The following ACOX1 variants were observed in gnomAD, a reference collection of about 807,000 sequenced individuals.
ACOX1 encodes peroxisomal acyl-coenzyme A oxidase 1.
In ACOX1, 41 loss-of-function variants were observed where a neutral mutation model predicts 75.5. The ratio of observed to expected loss-of-function variants is 0.54; its 90% CI spans 0.42 to 0.70. The LOEUF is 0.70. Ranked by LOEUF, ACOX1 falls within the 30% of genes least tolerant of loss-of-function variation. The pLI, the probability that ACOX1 is intolerant of heterozygous loss-of-function variation, is 0.00. For synonymous variants in ACOX1, 303 were observed against 298.8 expected, an observed-to-expected ratio of 1.01 and a Z score of -0.15; for missense variants, 630 against 837.5, an observed-to-expected ratio of 0.75 and a Z score of 3.06.
Position 75,949,825 on chromosome 17 carries a change from G to T in ACOX1, c.1371C>A (p.Asp457Glu). ...GTGGCTGGATGCGCTGACTGGGCAG[G>T]TCGTTCAAATAGGACACCATGCCAC... ...LVCGMVSYLN[D>E]LPSQRIQPQQ... The change falls in exon 10 of 14, where the codon GAC becomes GAA. Residue 457 changes from aspartate to glutamate, a missense_variant. Asp to Glu is a conservative substitution (Grantham distance 45, BLOSUM62 2). Around this residue, in one of 2 missense-constraint regions of ACOX1, gnomAD observed 240 missense variants for 262.7 expected, o/e 0.91. Coordinates refer to ENST00000293217, the MANE Select transcript of ACOX1 (RefSeq NM_004035.7). The T allele has an allele frequency of 3.7e-6, 6 of 1,614,212 alleles. No individual in the cohort carries two copies. The highest frequency in any genetic ancestry group is 5.1e-6 in the Non-Finnish European group (6 of 1,180,042).
chr17:75,962,598 A>T (rs2065897085), intron 2 of ACOX1, among the ~76,000 whole-genome samples: 1 of 152,208 alleles, frequency 6.6e-6, no homozygotes, highest in Admixed American at 6.5e-5. Context: ...CTGCTCAGAC[A>T]AGTGCTAATC....
In ACOX1 at chr17:75,977,562, T is replaced by C. The variant is rs1470873642; in HGVS notation, c.269+972A>G. ...GCCTGGGCGACAGAGCGAGACTCCGTCTCAAAAAACAAAAACAAAAACAAA... is the reference window on the plus strand; with the variant it reads ...GCCTGGGCGACAGAGCGAGACTCCGCCTCAAAAAACAAAAACAAAAACAAA... On this transcript the variant is annotated intron_variant, in intron 2 of 13. Transcript: ENST00000293217. Among the ~76,000 whole-genome samples the C allele has an allele frequency of 2.7e-5, 4 of 150,566 alleles. No homozygotes were observed. In the East Asian group the frequency reaches 8.3e-4, roughly 31 times the overall value.
rs758034255 is a variant in ACOX1, at chr17:75,948,377, A to G, written c.1809T>C (p.Ala603=). The change falls in exon 13 of 14, where the codon GCT becomes GCC. Residue 603 remains alanine (A), a synonymous_variant. Transcript: ENST00000293217. ...AATCAAATGCATCAACCAAAGCAAC[A>G]GCATCTGAGCGAATCAGAGTGAGTA... ...KELLTLIRSD[A]VALVDAFDFQ... 4.3e-6 allele frequency: 7 copies of G among 1,614,062 alleles called. No individual in the cohort carries two copies. The highest frequency in any genetic ancestry group is 5.9e-6 in the Non-Finnish European group (7 of 1,180,040).
Position 75,943,112 on chromosome 17 carries a change from GCTA to G in ACOX1, c.*3633_*3635del, listed in dbSNP as rs1278404131. 6.6e-6 allele frequency: 1 copy of G among 151,590 alleles called. No individual in the cohort carries two copies. Among genetic ancestry groups the G allele is most frequent in the Non-Finnish European group, 1.5e-5 (1 of 68,022 alleles). 9.4% of individuals were successfully genotyped at this position (151,590 alleles called of 1,614,324 possible). A position where few individuals can be genotyped will look rare whatever the true frequency, so the allele number is the denominator to read the frequency against. ...GTGATGGCAGGTGCCTGTAATCCCA[GCTA>G]CTCAGGAGGCTGAGGTGGGAGAATC... On this transcript the variant is annotated 3_prime_UTR_variant, in exon 14 of 14. Transcript: ENST00000293217.
chr17:75,948,862 CTTTTTT>C (rs34512190), intron 12 of ACOX1, among the ~76,000 whole-genome samples: 8 of 125,254 alleles, frequency 6.4e-5, no homozygotes, highest in African/African-American at 1.2e-4. Flanking sequence ...TTTTCTTTTT[CTTTTTT>C]TTTTTTTTTG....
chr17:75,951,028 A>G lies in ACOX1; in HGVS notation c.1108-64T>C, dbSNP rs576300167. 32 of 1,508,308 alleles carry G rather than the reference A, an allele frequency of 2.1e-5. No homozygotes were observed. The South Asian group carries it at 2.5e-4, about 12-fold the overall frequency. The allele number at this position is 1,508,308 out of a possible 1,614,324, so 93.4% of individuals were successfully genotyped here. ...TGCTGAGAGCCCGAGAACCAATGAG[A>G]AAACACACCCCTCCTCTAACATCTT... On this transcript the variant is annotated intron_variant, in intron 8 of 13. Transcript: ENST00000293217.
chr17:75,947,248 G>T (rs1598172035), intron 13 of ACOX1, among the ~76,000 whole-genome samples: 1 of 137,598 alleles, frequency 7.3e-6, no homozygotes, highest in Non-Finnish European at 1.6e-5. Context: ...TGATGTCTTA[G>T]TTTTTTTTTT....
intron 2 of ACOX1, among the ~76,000 whole-genome samples, chr17:75,967,804 G>A (rs1473222403): frequency 6.7e-6 from 1 of 149,618 alleles, no homozygotes; most frequent in Non-Finnish European, 1.5e-5. Flanking sequence ...GCAGTGGCAC[G>A]ATCTCGGCTC....
At chr17:75,972,680 T>G (rs956558344) in intron 2 of ACOX1, among the ~76,000 whole-genome samples, 99 of 151,894 alleles carry the variant, frequency 6.5e-4, no homozygotes, top group Non-Finnish European at 8.5e-4. Context: ...CTTATCTTCC[T>G]TTACAAACCT....
At position 75,943,151 on chromosome 17, in the gene ACOX1, G is replaced by A. The variant is rs1421762592; in HGVS notation, c.*3597C>T. 6.6e-6 allele frequency: 1 copy of A among 151,408 alleles called. No homozygotes were observed. Among genetic ancestry groups the A allele is most frequent in the African/African-American group, 2.4e-5 (1 of 41,118 alleles). 9.4% of individuals were successfully genotyped at this position (151,408 alleles called of 1,614,324 possible). ...TGAGGTGGGAGAATCGCTCGAACCC[G>A]GGAGGTGAAGATTGCAGTGAAGTCG... On this transcript the variant is annotated 3_prime_UTR_variant, in exon 14 of 14. Transcript: ENST00000293217.
chr17:75,973,809 T>A, intron 2 of ACOX1: 1 of 1,613,052 alleles, frequency 6.2e-7, no homozygotes, highest in Non-Finnish European at 8.5e-7. Flanking sequence ...GAGAAAAGGA[T>A]CTCAGCCTTC....
chr17:75,969,220 G>T (rs555173626), intron 2 of ACOX1, among the ~76,000 whole-genome samples: 4 of 152,112 alleles, frequency 2.6e-5, no homozygotes, highest in African/African-American at 7.2e-5. Flanking sequence ...AGGCTAGAGC[G>T]CAATGGCGCA....
intron 7 of ACOX1, among the ~76,000 whole-genome samples, chr17:75,952,319 G>A (rs1333291292): frequency 6.6e-6 from 1 of 151,776 alleles, no homozygotes; most frequent in Non-Finnish European, 1.5e-5. Flanking sequence ...TATTTTTTGA[G>A]ATGAAGTCTC....
chr17:75,971,142 T>G (rs369920183), intron 2 of ACOX1, among the ~76,000 whole-genome samples: 11 of 151,410 alleles, frequency 7.3e-5, no homozygotes, highest in Admixed American at 6.6e-4. Context: ...AAATACAAAA[T>G]TAGCCGGGCA....
Position 75,978,117 on chromosome 17 carries a change from T to TG in ACOX1, c.269+416dup, listed in dbSNP as rs577143547. 5.2e-3 allele frequency among the ~76,000 whole-genome samples: 796 copies of TG among 152,190 alleles called. 4 individuals are homozygous for TG. Among genetic ancestry groups the TG allele is most frequent in the African/African-American group, 0.018 (754 of 41,508 alleles). ...TTATTTATTTATTTATTTTTTGAGA[T>TG]GGAGTCTCGCACTCTTGCCCAGGCT... On this transcript the variant is annotated intron_variant, in intron 2 of 13. Transcript: ENST00000293217. The surrounding 1 kb of genome is among the most constrained non-coding windows in gnomAD (Gnocchi z 4.2).
intron 4 of ACOX1, among the ~76,000 whole-genome samples, chr17:75,957,187 T>C (rs1236652078): frequency 1.3e-5 from 2 of 151,450 alleles, no homozygotes; most frequent in Non-Finnish European, 2.9e-5. Flanking sequence ...TTCAAGTGAT[T>C]CTCCTGCCTC....
At position 75,951,033 on chromosome 17, in the gene ACOX1, A is replaced by G. The variant is rs558789591; in HGVS notation, c.1108-69T>C. The stretch of plus-strand genomic sequence containing the variant: ...AGAGCCCGAGAACCAATGAGAAAAC[A>G]CACCCCTCCTCTAACATCTTGGCCA... On this transcript the variant is annotated intron_variant, in intron 8 of 13. Transcript: ENST00000293217. The G allele has an allele frequency of 3.0e-5, 45 of 1,484,540 alleles. No homozygotes were observed. In the South Asian group the frequency reaches 3.9e-4, roughly 13 times the overall value. 92.0% of individuals were successfully genotyped at this position (1,484,540 alleles called of 1,614,324 possible).
intron 2 of ACOX1, among the ~76,000 whole-genome samples, chr17:75,967,875 G>A (rs912172276): frequency 2.9e-4 from 44 of 150,454 alleles, no homozygotes; most frequent in Non-Finnish European, 5.2e-4. Context: ...CGAGTAGCTA[G>A]AATTACAGGT....
At chr17:75,973,534 C>T in intron 2 of ACOX1, 1 of 1,335,646 alleles carries the variant, frequency 7.5e-7, no homozygotes, top group Non-Finnish European at 1.1e-6. Flanking sequence ...GAATCCCAAA[C>T]AGGTAGCAGC....
Sources: gnomAD v4.1 joint callset for allele counts (sites outside exome capture counted in the v4.1 genomes callset) on GRCh38, gnomAD v4.1.1 for gene constraint, gnomAD v4.1.1 regional missense constraint, Gnocchi (gnomAD v3.1) non-coding constraint, MANE v1.5 for transcripts, NCBI Gene and HGNC (gene_info 2026-07-23, HGNC 2026-07-21) for gene names.